Variants in TRIQK observed in about 807,000 individuals in gnomAD.
TRIQK encodes the protein triple QxxK/R motif-containing protein.
In TRIQK, 10 loss-of-function variants were observed where a neutral mutation model predicts 10.8. The observed-to-expected ratio is 0.92, with a 90% CI of 0.57 to 1.57. The LOEUF (loss-of-function observed/expected upper bound fraction) is 1.57, where lower values mean the gene tolerates loss of function less well. Among genes scored for constraint, TRIQK ranks in the 40% most tolerant of loss-of-function variants. The pLI is 0.00. For synonymous variants in TRIQK, 33 were observed against 33.7 expected, an observed-to-expected ratio of 0.98 and a Z score of 0.07; for missense variants, 107 against 97.7, an observed-to-expected ratio of 1.09 and a Z score of -0.40.
At chr8:92,917,763 A>G (rs940793897) in intron 2 of TRIQK, among the ~76,000 whole-genome samples, 2 of 152,048 alleles carry the variant, frequency 1.3e-5, no homozygotes, top group Non-Finnish European at 2.9e-5. Flanking sequence ...AAGTATTTAG[A>G]AATACATAAT....
chr8:93,008,642 G>T (rs770033930), intron 1 of TRIQK, among the ~76,000 whole-genome samples: 17 of 152,140 alleles, frequency 1.1e-4, no homozygotes, highest in Non-Finnish European at 2.4e-4. Flanking sequence ...CAGATGCACA[G>T]ACCAGTGGAA....
intron 1 of TRIQK, among the ~76,000 whole-genome samples, chr8:92,990,411 G>A (rs964325953): frequency 6.6e-6 from 1 of 152,048 alleles, no homozygotes; most frequent in Non-Finnish European, 1.5e-5. Context: ...TGCCAAACCT[G>A]TCTATATTAC....
chr8:93,004,057 C>T (rs909638807), intron 1 of TRIQK, among the ~76,000 whole-genome samples: 6 of 152,216 alleles, frequency 3.9e-5, no homozygotes, highest in Non-Finnish European at 7.3e-5. Context: ...TACCATTCTG[C>T]AGTCTGAAGG....
chr8:92,928,102 TAGC>T (rs1285808093), intron 2 of TRIQK: 5 of 151,302 alleles, frequency 3.3e-5, no homozygotes, highest in Non-Finnish European at 5.9e-5. Flanking sequence ...GGGAAGGAAA[TAGC>T]AGGAGACTAG....
intron 1 of TRIQK, among the ~76,000 whole-genome samples, chr8:92,987,183 A>G (rs1455332854): frequency 6.6e-6 from 1 of 152,188 alleles, no homozygotes; most frequent in Non-Finnish European, 1.5e-5. Context: ...TAATGCCATC[A>G]CATAGGCCAT....
chr8:92,899,067 T>C (rs1394824844), intron 3 of TRIQK, among the ~76,000 whole-genome samples: 5 of 150,452 alleles, frequency 3.3e-5, no homozygotes, highest in Non-Finnish European at 7.4e-5. Flanking sequence ...TCTCGTCTCA[T>C]TGTAACCTCT....
chr8:92,979,073 A>G (rs145238188), intron 1 of TRIQK, among the ~76,000 whole-genome samples: 1 of 152,224 alleles, frequency 6.6e-6, no homozygotes, highest in Non-Finnish European at 1.5e-5. Flanking sequence ...GTTCCATAAT[A>G]TCTGGGGTCT....
chr8:92,927,748 AG>A (rs1810514944), intron 2 of TRIQK, among the ~76,000 whole-genome samples: 1 of 152,176 alleles, frequency 6.6e-6, no homozygotes, highest in Non-Finnish European at 1.5e-5. Flanking sequence ...AAGACTGAGA[AG>A]GGACCTGGAT....
intron 1 of TRIQK, among the ~76,000 whole-genome samples, chr8:93,005,740 C>G (rs1813262948): frequency 6.6e-6 from 1 of 152,032 alleles, no homozygotes; most frequent in Non-Finnish European, 1.5e-5. Flanking sequence ...TGGTTTTTCT[C>G]TACTTCTACT....
chr8:93,006,725 C>T (rs778611155), intron 1 of TRIQK, among the ~76,000 whole-genome samples: 4 of 152,174 alleles, frequency 2.6e-5, no homozygotes, highest in Non-Finnish European at 5.9e-5. Context: ...CCCAGCACAG[C>T]GGCTGTGGCC....
chr8:92,951,001 T>C (rs1210424445), intron 2 of TRIQK, among the ~76,000 whole-genome samples: 1 of 152,152 alleles, frequency 6.6e-6, no homozygotes, highest in Non-Finnish European at 1.5e-5. Flanking sequence ...ACCTATGTTG[T>C]ACATTCCCCT....
chr8:92,935,893 A>G (rs1282835182), intron 2 of TRIQK, among the ~76,000 whole-genome samples: 1 of 151,706 alleles, frequency 6.6e-6, no homozygotes, highest in Non-Finnish European at 1.5e-5. Flanking sequence ...GAGATCAAAT[A>G]GAATAAAATT....
At chr8:92,902,578 C>T (rs1809006036) in intron 3 of TRIQK, among the ~76,000 whole-genome samples, 1 of 152,034 alleles carries the variant, frequency 6.6e-6, no homozygotes, top group Admixed American at 6.6e-5. Context: ...TATGAAGGTG[C>T]TTGTTTTGTG....
intron 2 of TRIQK, among the ~76,000 whole-genome samples, chr8:92,927,254 T>A (rs1810490700): frequency 6.6e-6 from 1 of 152,046 alleles, no homozygotes; most frequent in South Asian, 2.1e-4. Context: ...AAAATTTAAG[T>A]TTTCCCAGAT....
At chr8:92,947,515 C>A (rs912905625) in intron 2 of TRIQK, among the ~76,000 whole-genome samples, 1 of 128,722 alleles carries the variant, frequency 7.8e-6, no homozygotes, top group Non-Finnish European at 1.6e-5. Context: ...ACGCAGGAGG[C>A]GGAGGTTGCA....
At chr8:92,954,742 T>C (rs1812087278) in intron 1 of TRIQK, among the ~76,000 whole-genome samples, 178 bp from the exon 2 acceptor site, 1 of 151,908 alleles carries the variant, frequency 6.6e-6, no homozygotes, top group Admixed American at 6.6e-5. Context: ...AAATGTTGCA[T>C]ATTATGCCCC....
chr8:92,899,814 G>C (rs957050988), intron 3 of TRIQK, among the ~76,000 whole-genome samples: 3 of 151,960 alleles, frequency 2.0e-5, no homozygotes, highest in African/African-American at 7.2e-5. Context: ...TTAGGTTTTT[G>C]GGGGAACCTC....
chr8:92,970,835 A>C (rs915999394), upstream of TRIQK, among the ~76,000 whole-genome samples: 9 of 151,882 alleles, frequency 5.9e-5, no homozygotes, highest in African/African-American at 1.9e-4. Flanking sequence ...CTTTTGTTGC[A>C]ATTGCTTTTG....
chr8:92,941,406 A>T (rs1811266395), intron 2 of TRIQK: 1 of 152,190 alleles, frequency 6.6e-6, no homozygotes, highest in Admixed American at 6.5e-5. Flanking sequence ...TTCTTAAGAC[A>T]AATAAAAACA....
Sources: gnomAD v4.1 joint callset for allele counts (sites outside exome capture counted in the v4.1 genomes callset) on GRCh38, gnomAD v4.1.1 for gene constraint, MANE v1.5 for transcripts, NCBI Gene and HGNC (gene_info 2026-07-23, HGNC 2026-07-21) for gene names.